Variants in GABRG3 observed in about 807,000 individuals in gnomAD.
GABRG3 encodes gamma-aminobutyric acid type A receptor subunit gamma3.
In GABRG3, 25 loss-of-function variants were observed where a neutral mutation model predicts 48.8. The observed-to-expected ratio is 0.51, with a 90% CI of 0.37 to 0.72. The LOEUF is 0.72. Ranked by LOEUF, GABRG3 falls within the 30% of genes least tolerant of loss-of-function variation. The probability of loss-of-function intolerance (pLI) is 0.00; values close to 1 mark genes in which losing one functional copy is unlikely to be tolerated. For missense variants in GABRG3, 394 were observed against 577.9 expected (o/e 0.68, Z 3.26); for synonymous variants, 227 against 217.6 (o/e 1.04, Z -0.38).
chr15:27,458,196 G>A (rs558670458), intron 5 of GABRG3, among the ~76,000 whole-genome samples: 11 of 152,290 alleles, frequency 7.2e-5, no homozygotes, highest in African/African-American at 1.9e-4. Flanking sequence ...TGATAAGTGC[G>A]GCCACCAAAA....
In GABRG3 at chr15:27,037,782, G is replaced by T. The variant is rs140876501; in HGVS notation, c.270+10961G>T. 2.6e-3 allele frequency among the ~76,000 whole-genome samples: 400 copies of T among 152,290 alleles called. 5 individuals are homozygous for T. Among genetic ancestry groups the T allele is most frequent in the Non-Finnish European group, 3.0e-3 (204 of 68,018 alleles). On this transcript the variant is annotated intron_variant, in intron 3 of 9. Transcript: ENST00000615808. ...TACTGTCTGCTCTTTCTGGCTGCTG[G>T]TAGTTAGAAGAGAAGTGATTTCCTT...
intron 5 of GABRG3, among the ~76,000 whole-genome samples, chr15:27,337,406 A>C (rs1474008084): frequency 1.3e-5 from 2 of 152,238 alleles, no homozygotes. Context: ...TATGCAATCA[A>C]TATGAAAAAT....
chr15:26,990,465 GATT>G (rs1183849328), intron 2 of GABRG3, among the ~76,000 whole-genome samples: 4 of 152,068 alleles, frequency 2.6e-5, no homozygotes, highest in African/African-American at 9.7e-5. Flanking sequence ...TTAAAAATCA[GATT>G]ATTAGATTTT....
chr15:27,259,874 A>AG (rs1299689536), intron 3 of GABRG3, among the ~76,000 whole-genome samples: 3 of 152,278 alleles, frequency 2.0e-5, no homozygotes, highest in Middle Eastern at 3.4e-3. Context: ...GAAAAACAGA[A>AG]ATTTGTACCA....
At chr15:27,213,942 C>T (rs1453555136) in intron 3 of GABRG3, among the ~76,000 whole-genome samples, 1 of 152,164 alleles carries the variant, frequency 6.6e-6, no homozygotes, top group African/African-American at 2.4e-5. Flanking sequence ...TCAGAGTTTC[C>T]AAAGTTTGTT....
chr15:27,038,996 A>G (rs950626395), intron 3 of GABRG3, among the ~76,000 whole-genome samples: 11 of 152,186 alleles, frequency 7.2e-5, no homozygotes, highest in African/African-American at 2.7e-4. Flanking sequence ...GGCACATTTT[A>G]TTCAGGACTA....
At chr15:27,171,266 A>C (rs560455131) in intron 3 of GABRG3, among the ~76,000 whole-genome samples, 3 of 152,304 alleles carry the variant, frequency 2.0e-5, no homozygotes, top group African/African-American at 7.2e-5. Flanking sequence ...TATAGCTTTG[A>C]ATATCTGCAT....
intron 2 of GABRG3, among the ~76,000 whole-genome samples, chr15:27,010,782 C>G (rs1359482978): frequency 6.6e-6 from 1 of 152,170 alleles, no homozygotes; most frequent in Non-Finnish European, 1.5e-5. Context: ...TTCCACTATC[C>G]TCAGATCTGG....
rs112307623 is a variant in GABRG3, at chr15:27,288,692, A to G, written c.271-38117A>G. Among the ~76,000 whole-genome samples the G allele has an allele frequency of 3.3e-5, 5 of 150,232 alleles. 1 individual carries two copies. The highest frequency in any genetic ancestry group is 9.8e-5 in the African/African-American group (4 of 40,956). ...CACGCCATTGCACTCCAGCCTGGGCAACAAGAGCAAAACTCCGTCTCACAG... is the reference window on the plus strand; with the variant it reads ...CACGCCATTGCACTCCAGCCTGGGCGACAAGAGCAAAACTCCGTCTCACAG... On this transcript the variant is annotated intron_variant, in intron 3 of 9. Coordinates refer to ENST00000615808, the MANE Select transcript of GABRG3 (RefSeq NM_033223.5).
chr15:27,398,703 G>A (rs1465825015), intron 5 of GABRG3, among the ~76,000 whole-genome samples: 1 of 150,604 alleles, frequency 6.6e-6, no homozygotes, highest in Admixed American at 6.6e-5. Context: ...TCTATTATAG[G>A]ACAATGAAAG....
chr15:27,316,543 C>G (rs1893234852), intron 3 of GABRG3, among the ~76,000 whole-genome samples: 1 of 152,080 alleles, frequency 6.6e-6, no homozygotes, highest in South Asian at 2.1e-4. Flanking sequence ...TAATACCTAT[C>G]AAATAATATA....
rs558074259 is a variant in GABRG3 at position 27,192,336 on chromosome 15, A to G, written c.271-134473A>G. 3.9e-5 allele frequency among the ~76,000 whole-genome samples: 6 copies of G among 152,236 alleles called. No homozygotes were observed. In the South Asian group the frequency reaches 1.2e-3, roughly 32 times the overall value. Reference sequence around the variant, plus strand: ...GCAGAGTGTTTTCCAACTTGGTTCCATTCTCCCTGTCACTTTCAGGTACAC... The same window carrying G: ...GCAGAGTGTTTTCCAACTTGGTTCCGTTCTCCCTGTCACTTTCAGGTACAC... On this transcript the variant is annotated intron_variant, in intron 3 of 9. Coordinates refer to ENST00000615808, the MANE Select transcript of GABRG3 (RefSeq NM_033223.5).
At chr15:27,101,440 T>C (rs1897355127) in intron 3 of GABRG3, among the ~76,000 whole-genome samples, 1 of 152,170 alleles carries the variant, frequency 6.6e-6, no homozygotes, top group Non-Finnish European at 1.5e-5. Context: ...CAAGCTTATT[T>C]GAAAATTTTC....
At chr15:27,479,015 G>A (rs1157309325) in intron 5 of GABRG3, among the ~76,000 whole-genome samples, 1 of 152,012 alleles carries the variant, frequency 6.6e-6, no homozygotes, top group Non-Finnish European at 1.5e-5. Context: ...GATGTGGGCA[G>A]GAAAGGGGGG....
chr15:27,347,017 G>GTTT lies in GABRG3; in HGVS notation c.574+18133_574+18135dup, dbSNP rs369370392. The stretch of plus-strand genomic sequence containing the variant: ...TTTTGTCTTTCTGGCATGCCTTATA[G>GTTT]TTTTTTAAAGCTAGACACACCGTGA... On this transcript the variant is annotated intron_variant, in intron 5 of 9. Transcript: ENST00000615808. 5.4e-3 allele frequency among the ~76,000 whole-genome samples: 812 copies of GTTT among 151,712 alleles called. 7 individuals are homozygous for GTTT. The highest frequency in any genetic ancestry group is 0.018 in the African/African-American group (749 of 41,424).
chr15:27,011,671 C>T (rs1016327686), intron 2 of GABRG3, among the ~76,000 whole-genome samples: 1 of 151,972 alleles, frequency 6.6e-6, no homozygotes, highest in African/African-American at 2.4e-5. Flanking sequence ...CACGGTGAAA[C>T]CCTTTTTCTA....
At chr15:27,142,224 T>G (rs1031221317) in intron 3 of GABRG3, among the ~76,000 whole-genome samples, 1 of 152,232 alleles carries the variant, frequency 6.6e-6, no homozygotes, top group African/African-American at 2.4e-5. Flanking sequence ...ACTACTCTGT[T>G]TAAGAGTAGA....
intron 2 of GABRG3, among the ~76,000 whole-genome samples, chr15:27,019,170 G>A (rs12911220): frequency 1.3e-4 from 18 of 136,162 alleles, no homozygotes; most frequent in African/African-American, 4.9e-4. Context: ...CCGGGTTCAC[G>A]CCATTCTCCT....
At position 27,480,638 on chromosome 15, in the gene GABRG3, C is replaced by T; in HGVS notation, c.575-12C>T. 2.5e-6 allele frequency: 4 copies of T among 1,603,450 alleles called. No homozygotes were observed. The highest frequency in any genetic ancestry group is 3.4e-6 in the Non-Finnish European group (4 of 1,173,474). ...GTACCTTCAAGTGCTAATGTTTGCT[C>T]TGTGTTTTTAGATGGCTATCCCAAA... On this transcript the variant is annotated splice_polypyrimidine_tract_variant and intron_variant, in intron 5 of 9. Coordinates refer to ENST00000615808, the MANE Select transcript of GABRG3 (RefSeq NM_033223.5).
Sources: gnomAD v4.1 joint callset for allele counts (sites outside exome capture counted in the v4.1 genomes callset) on GRCh38, gnomAD v4.1.1 for gene constraint, MANE v1.5 for transcripts, NCBI Gene and HGNC (gene_info 2026-07-23, HGNC 2026-07-21) for gene names.